Variants in NEK7 observed in about 807,000 individuals in gnomAD.
The protein encoded by NEK7 is NIMA related kinase 7, also known as serine/threonine-protein kinase Nek7.
In NEK7, 18 loss-of-function variants were observed where a neutral mutation model predicts 44.6. The observed-to-expected ratio is 0.40, with a 90% CI of 0.28 to 0.60. NEK7 has a LOEUF of 0.60. Ranked by LOEUF, NEK7 falls within the 20% of genes least tolerant of loss-of-function variation. NEK7 has a pLI of 0.38. For synonymous variants in NEK7, 130 were observed against 121.1 expected (o/e 1.07, Z -0.48); for missense variants, 256 against 366.5 (o/e 0.70, Z 2.46).
At chr1:198,299,644 T>C (rs1479222605) in intron 9 of NEK7, among the ~76,000 whole-genome samples, 1 of 152,184 alleles carries the variant, frequency 6.6e-6, no homozygotes, top group East Asian at 1.9e-4. Flanking sequence ...AATCAACTTA[T>C]CAGGTATGTA....
intron 7 of NEK7, among the ~76,000 whole-genome samples, chr1:198,283,577 G>A (rs1471721864): frequency 6.6e-6 from 1 of 152,090 alleles, no homozygotes; most frequent in Non-Finnish European, 1.5e-5. Flanking sequence ...GTATGGAGGT[G>A]TGGCTAGGGA....
intron 3 of NEK7, among the ~76,000 whole-genome samples, chr1:198,259,565 T>C (rs949580836): frequency 3.3e-5 from 5 of 150,134 alleles, no homozygotes; most frequent in African/African-American, 1.3e-4. Context: ...TCAGCATTTA[T>C]GATGTGTCAA....
At chr1:198,273,541 G>A (rs939160861) in intron 5 of NEK7, among the ~76,000 whole-genome samples, 1 of 151,482 alleles carries the variant, frequency 6.6e-6, no homozygotes, top group South Asian at 2.1e-4. Flanking sequence ...AAATAACCAC[G>A]ACAAAATATA....
chr1:198,268,314 A>G (rs562533500), intron 5 of NEK7, among the ~76,000 whole-genome samples: 1 of 151,454 alleles, frequency 6.6e-6, no homozygotes, highest in East Asian at 2.0e-4. Context: ...CTTACAGACT[A>G]CCCATCCTCC....
chr1:198,210,255 A>C (rs1490616594), intron 1 of NEK7, among the ~76,000 whole-genome samples: 1 of 152,040 alleles, frequency 6.6e-6, no homozygotes, highest in Non-Finnish European at 1.5e-5. Flanking sequence ...CACCATGCCC[A>C]GCTGTTTTGT....
intron 1 of NEK7, among the ~76,000 whole-genome samples, chr1:198,176,049 A>G (rs1465306472): frequency 6.6e-6 from 1 of 152,190 alleles, no homozygotes; most frequent in East Asian, 1.9e-4. Flanking sequence ...TCTTTAATCG[A>G]AAGCAGGTGC....
At chr1:198,275,038 G>A (rs1277217233) in intron 5 of NEK7, among the ~76,000 whole-genome samples, 2 of 151,472 alleles carry the variant, frequency 1.3e-5, no homozygotes. Context: ...TCTGATGTTT[G>A]TATATACATA....
At chr1:198,157,474 G>A (rs1272979021) in intron 1 of NEK7, among the ~76,000 whole-genome samples, 198 bp downstream of exon 1, 3 of 152,202 alleles carry the variant, frequency 2.0e-5, no homozygotes, top group Admixed American at 1.3e-4. Context: ...TGGCAGCGGT[G>A]GGAGGGGGCG....
intron 8 of NEK7, among the ~76,000 whole-genome samples, chr1:198,296,874 G>A (rs754576363): frequency 2.0e-5 from 3 of 152,080 alleles, no homozygotes; most frequent in Middle Eastern, 6.8e-3. Flanking sequence ...TGTTGCATTT[G>A]TATATAAAGA....
At chr1:198,261,995 T>G (rs1653490512) in intron 3 of NEK7, among the ~76,000 whole-genome samples, 1 of 151,820 alleles carries the variant, frequency 6.6e-6, no homozygotes, top group South Asian at 2.1e-4. Flanking sequence ...AAGAACCAAT[T>G]TTCACCCCCT....
intron 2 of NEK7, among the ~76,000 whole-genome samples, chr1:198,251,090 GC>G (rs1192714840): frequency 4.0e-5 from 6 of 151,630 alleles, no homozygotes; most frequent in Non-Finnish European, 8.8e-5. Context: ...TTAGCATGAA[GC>G]GTTGTTGAAT....
intron 1 of NEK7, among the ~76,000 whole-genome samples, chr1:198,164,990 C>G (rs1007948865): frequency 6.6e-6 from 1 of 152,244 alleles, no homozygotes; most frequent in Non-Finnish European, 1.5e-5. Context: ...GCATTTTCAT[C>G]AGGAGTAGAT....
chr1:198,305,642 A>T (rs1655003099), intron 9 of NEK7, among the ~76,000 whole-genome samples: 1 of 152,206 alleles, frequency 6.6e-6, no homozygotes, highest in Non-Finnish European at 1.5e-5. Flanking sequence ...TAGAAATAAC[A>T]TTAAAATTAT....
intron 2 of NEK7, among the ~76,000 whole-genome samples, chr1:198,233,189 G>C (rs1666450688): frequency 6.6e-6 from 1 of 151,674 alleles, no homozygotes; most frequent in Admixed American, 6.6e-5. Flanking sequence ...CTTGCCCACA[G>C]CTGCCTTCCA....
At chr1:198,306,366 A>G (rs1259467815) in intron 9 of NEK7, among the ~76,000 whole-genome samples, 1 of 152,132 alleles carries the variant, frequency 6.6e-6, no homozygotes, top group African/African-American at 2.4e-5. Flanking sequence ...TGGAATATCT[A>G]AGTACTATAA....
At chr1:198,292,337 A>G (rs1049144686) in intron 7 of NEK7, among the ~76,000 whole-genome samples, 1 of 151,954 alleles carries the variant, frequency 6.6e-6, no homozygotes, top group Admixed American at 6.6e-5. Context: ...AGTAACAATA[A>G]CTCAAGACAT....
intron 2 of NEK7, among the ~76,000 whole-genome samples, chr1:198,232,940 C>T (rs1666442566): frequency 6.6e-6 from 1 of 151,518 alleles, no homozygotes; most frequent in South Asian, 2.1e-4. Flanking sequence ...TGCAGTTTGC[C>T]ATTTTGATAG....
Position 198,298,305 on chromosome 1 carries a change from G to C in NEK7, c.798+1065G>C, listed in dbSNP as rs114886309. Among the ~76,000 whole-genome samples the C allele has an allele frequency of 8.7e-3, 1,323 of 152,290 alleles. 24 individuals are homozygous for C. The highest frequency in any genetic ancestry group is 0.03 in the African/African-American group (1,264 of 41,562). ...CTTAGTATTATGTAAGGAAATTTGA[G>C]TTCGTGTAACTTGAATAATAAATAT... On this transcript the variant is annotated intron_variant, in intron 9 of 9. Coordinates refer to ENST00000367385, the MANE Select transcript of NEK7 (RefSeq NM_133494.3).
chr1:198,303,920 A>G (rs1228024500), intron 9 of NEK7, among the ~76,000 whole-genome samples: 1 of 152,174 alleles, frequency 6.6e-6, no homozygotes, highest in African/African-American at 2.4e-5. Context: ...TAACAGTATT[A>G]TCTCAAACGC....
Sources: gnomAD v4.1 joint callset for allele counts (sites outside exome capture counted in the v4.1 genomes callset) on GRCh38, gnomAD v4.1.1 for gene constraint, MANE v1.5 for transcripts, NCBI Gene and HGNC (gene_info 2026-07-23, HGNC 2026-07-21) for gene names.